PCDHGA9: variants seen among roughly 807,000 people sequenced by gnomAD.
PCDHGA9 encodes the protein protocadherin gamma-A9.
In PCDHGA9, 37 loss-of-function variants were observed where a neutral mutation model predicts 62.5. The ratio of observed to expected loss-of-function variants is 0.59; its 90% confidence interval spans 0.46 to 0.78. PCDHGA9 has a LOEUF of 0.78. PCDHGA9 is among the 30% of genes least tolerant of loss of function. PCDHGA9 has a pLI of 0.00. For missense variants in PCDHGA9, 1,138 were observed against 1,166.2 expected (o/e 0.98, Z 0.35); for synonymous variants, 459 against 484.6 (o/e 0.95, Z 0.69).
Position 141,487,532 on chromosome 5 carries a change from A to T in PCDHGA9, c.2425-7275A>T. 6.2e-7 allele frequency: 1 copy of T among 1,614,158 alleles called. No homozygotes were observed. The highest frequency in any genetic ancestry group is 8.5e-7 in the Non-Finnish European group (1 of 1,180,022). ...ACCCACTCGGAGTGATAGCTTCATG[A>T]TGGTGAAGTCACCCAGTGCACCTAT... is the stretch of plus-strand genomic sequence containing the variant. On this transcript the variant is annotated intron_variant, in intron 1 of 3. Transcript: ENST00000573521. This position sits in a 1 kb window ranked among gnomAD's most constrained non-coding sequence, Gnocchi z 5.0.
rs1391017504 is a variant in PCDHGA9 at position 141,490,732 on chromosome 5, G to GTTCAGGGAGCCCCAGCCTCCTCCT, written c.2425-4072_2425-4049dup. 6.2e-7 allele frequency: 1 copy of GTTCAGGGAGCCCCAGCCTCCTCCT among 1,614,070 alleles called. No individual in the cohort carries two copies. Among genetic ancestry groups the GTTCAGGGAGCCCCAGCCTCCTCCT allele is most frequent in the Non-Finnish European group, 8.5e-7 (1 of 1,180,050 alleles). On this transcript the variant is annotated intron_variant, in intron 1 of 3. Coordinates refer to ENST00000573521, the MANE Select transcript of PCDHGA9 (RefSeq NM_018921.3). This position sits in a 1 kb window ranked among gnomAD's most constrained non-coding sequence, Gnocchi z 5.4. ...CACCTACTCCATTGTAGGAAATCAG[G>GTTCAGGGAGCCCCAGCCTCCTCCT]TTCAGGGAGCCCCAGCCTCCTCCTT...
At chr5:141,494,780 G>A (rs1314622459) in intron 1 of PCDHGA9, 27 bp from the exon 2 acceptor site, 13 of 1,613,898 alleles carry the variant, frequency 8.1e-6, no homozygotes, top group African/African-American at 1.3e-5. Context: ...CGGGTACTCA[G>A]CCCCTTTCCC....
chr5:141,420,405 T>C (rs1188012975), intron 1 of PCDHGA9: 7 of 1,241,232 alleles, frequency 5.6e-6, no homozygotes, highest in East Asian at 5.7e-5. Flanking sequence ...AAATTTATGG[T>C]TATCATTATT....
intron 1 of PCDHGA9, chr5:141,420,076 T>C (rs764381539): frequency 3.3e-5 from 53 of 1,613,956 alleles, no homozygotes; most frequent in Non-Finnish European, 4.5e-5. Context: ...GACCTGTGGG[T>C]CCCCCCAACT....
intron 1 of PCDHGA9, 134 bp from the exon 2 acceptor site, chr5:141,494,673 C>G: frequency 4.5e-6 from 7 of 1,542,992 alleles, no homozygotes; most frequent in Non-Finnish European, 6.1e-6. Flanking sequence ...GATGAGTCCA[C>G]CCCTGCCCCC....
chr5:141,487,435 A>G lies in PCDHGA9; in HGVS notation c.2425-7372A>G, dbSNP rs776328527. On this transcript the variant is annotated intron_variant, in intron 1 of 3. Transcript: ENST00000573521. The surrounding 1 kb of genome is among the most constrained non-coding windows in gnomAD (Gnocchi z 5.0). ...CCAATGGGATCCTCCGAATCCAGCT[A>G]GGGTCAGATGACCCTATCAAGTTTG... 3.7e-6 allele frequency: 6 copies of G among 1,614,164 alleles called. No individual in the cohort carries two copies. In the South Asian group the frequency reaches 6.6e-5, roughly 18 times the overall value.
intron 1 of PCDHGA9, chr5:141,421,947 C>T: frequency 6.2e-7 from 1 of 1,613,118 alleles, no homozygotes; most frequent in African/African-American, 1.3e-5. Context: ...ATGATCACAT[C>T]CCAATGTTTA....
At chr5:141,475,832 T>G in intron 1 of PCDHGA9, 1 of 410,610 alleles carries the variant, frequency 2.4e-6, no homozygotes, top group Non-Finnish European at 4.4e-6. Flanking sequence ...CTAGCGCGTG[T>G]CCTGCTCAGA....
intron 1 of PCDHGA9, chr5:141,419,027 G>A (rs1415215066): frequency 6.2e-7 from 1 of 1,613,870 alleles, no homozygotes; most frequent in Admixed American, 1.7e-5. Flanking sequence ...AAGTAGAGGT[G>A]TTCCATTTAA....
At chr5:141,467,050 G>T (rs6580189) in intron 1 of PCDHGA9, among the ~76,000 whole-genome samples, 42,616 of 146,752 alleles carry the variant, frequency 0.29, 6,868 homozygotes, top group African/African-American at 0.45. Flanking sequence ...ATGAATCAAT[G>T]TTTTCTTTTT....
chr5:141,413,111 AG>A lies in PCDHGA9; in HGVS notation c.2424+7737del, dbSNP rs962952666. ...ACACCCTGAAGCCACAGAAAGACAA[AG>A]GAACCGGTTGAAACACACAACGTGT... On this transcript the variant is annotated intron_variant, in intron 1 of 3. Transcript: ENST00000573521. 4.7e-6 allele frequency: 7 copies of A among 1,499,852 alleles called. No individual in the cohort carries two copies. In the African/African-American group the frequency reaches 8.4e-5, roughly 18 times the overall value. 92.9% of individuals were successfully genotyped at this position (1,499,852 alleles called of 1,614,324 possible). A position where few individuals can be genotyped will look rare whatever the true frequency, so the allele number is the denominator to read the frequency against.
chr5:141,481,913 CAAAAAA>C (rs34114744), intron 1 of PCDHGA9, among the ~76,000 whole-genome samples: 1 of 90,850 alleles, frequency 1.1e-5, no homozygotes. Flanking sequence ...AACTCCATCT[CAAAAAA>C]AAAAAAAAAA....
At chr5:141,449,369 G>A (rs561017816) in intron 1 of PCDHGA9, among the ~76,000 whole-genome samples, 4 of 152,068 alleles carry the variant, frequency 2.6e-5, no homozygotes, top group South Asian at 4.2e-4. Flanking sequence ...CACTTTGGGA[G>A]GCTGAGGCAG....
intron 1 of PCDHGA9, chr5:141,428,075 A>G (rs1427780901): frequency 5.0e-6 from 8 of 1,609,154 alleles, no homozygotes; most frequent in Non-Finnish European, 4.2e-6. Context: ...CAGATTCGGG[A>G]CACAACGCTT....
At position 141,485,971 on chromosome 5, in the gene PCDHGA9, C is replaced by T; in HGVS notation, c.2425-8836C>T. On this transcript the variant is annotated intron_variant, in intron 1 of 3. Transcript: ENST00000573521. This position sits in a 1 kb window ranked among gnomAD's most constrained non-coding sequence, Gnocchi z 5.7. Reference sequence around the variant, plus strand: ...GCATGGTGCTCATCCAGCTCAATGCCTCAGACCCGGACCTGGGTCCCAGTG... The same window carrying T: ...GCATGGTGCTCATCCAGCTCAATGCTTCAGACCCGGACCTGGGTCCCAGTG... The T allele has an allele frequency of 6.2e-7, 1 of 1,614,196 alleles. No individual in the cohort carries two copies. The highest frequency in any genetic ancestry group is 8.5e-7 in the Non-Finnish European group (1 of 1,180,042).
Position 141,477,464 on chromosome 5 carries a change from A to G in PCDHGA9, c.2425-17343A>G. The G allele has an allele frequency of 1.2e-6, 2 of 1,614,188 alleles. No homozygotes were observed. The highest frequency in any genetic ancestry group is 1.7e-6 in the Non-Finnish European group (2 of 1,180,034). On this transcript the variant is annotated intron_variant, in intron 1 of 3. Coordinates refer to ENST00000573521, the MANE Select transcript of PCDHGA9 (RefSeq NM_018921.3). This position sits in a 1 kb window ranked among gnomAD's most constrained non-coding sequence, Gnocchi z 4.9. ...AATAGTGCGTGTTCAAGTGTCCGAC[A>G]TCAATGACAACCCTCCACAATCTTC...
rs370032689 is a variant in PCDHGA9 at position 141,415,343 on chromosome 5, G to A, written c.2424+9967G>A. 84 of 1,614,112 alleles carry A rather than the reference G, an allele frequency of 5.2e-5. No homozygotes were observed. The African/African-American group carries it at 1.0e-3, about 20-fold the overall frequency. On this transcript the variant is annotated intron_variant, in intron 1 of 3. Transcript: ENST00000573521. The stretch of plus-strand genomic sequence containing the variant: ...CTGCTGGCGCACAGGCTGCGGCGCT[G>A]GCACAAGTCACGCCTGCTGCAGGCT...
chr5:141,476,206 C>A lies in PCDHGA9; in HGVS notation c.2425-18601C>A. On this transcript the variant is annotated intron_variant, in intron 1 of 3. Transcript: ENST00000573521. This position sits in a 1 kb window ranked among gnomAD's most constrained non-coding sequence, Gnocchi z 7.6. ...TGCTTGGTGCCTTGAACAAGGCTTC[C>A]ACGGTCATTCACTATGAGATCCCGG... 1 of 1,613,930 alleles carries A rather than the reference C, an allele frequency of 6.2e-7. No individual in the cohort carries two copies. The highest frequency in any genetic ancestry group is 1.7e-5 in the Admixed American group (1 of 60,004).
At chr5:141,467,630 T>A (rs1483747040) in intron 1 of PCDHGA9, among the ~76,000 whole-genome samples, 2 of 152,194 alleles carry the variant, frequency 1.3e-5, no homozygotes, top group African/African-American at 4.8e-5. Flanking sequence ...TGAGATAGCA[T>A]CTTTATCATG....
Sources: allele counts gnomAD v4.1 joint callset (sites outside exome capture counted in the v4.1 genomes callset), GRCh38; gene constraint gnomAD v4.1.1; non-coding constraint Gnocchi (gnomAD v3.1); transcripts MANE v1.5; gene names NCBI Gene and HGNC (gene_info 2026-07-23, HGNC 2026-07-21).